The following UXS1 variants were observed in gnomAD, a reference collection of about 807,000 sequenced individuals.
The protein encoded by UXS1 is UDP-glucuronic acid decarboxylase 1.
A neutral mutation model predicts 62.6 loss-of-function variants in UXS1; 33 were observed. The ratio of observed to expected loss-of-function variants is 0.53; its 90% CI spans 0.40 to 0.70. The LOEUF (loss-of-function observed/expected upper bound fraction) is 0.70, where lower values mean the gene tolerates loss of function less well. Among genes scored for constraint, UXS1 ranks in the 30% least tolerant of loss-of-function variants. The pLI, the probability that UXS1 is intolerant of heterozygous loss-of-function variation, is 0.00. For synonymous variants in UXS1, 213 were observed against 206.8 expected (o/e 1.03, Z -0.26); for missense variants, 434 against 556.3 (o/e 0.78, Z 2.21).
chr2:106,178,404 G>T (rs138069101), intron 1 of UXS1, among the ~76,000 whole-genome samples: 5,602 of 152,128 alleles, frequency 0.037, 154 homozygotes, highest in Non-Finnish European at 0.059. Flanking sequence ...TATAACAACA[G>T]AAATAATGTA....
At chr2:106,178,624 A>G (rs1023271304) in intron 1 of UXS1, among the ~76,000 whole-genome samples, 1 of 152,048 alleles carries the variant, frequency 6.6e-6, no homozygotes, top group Non-Finnish European at 1.5e-5. Context: ...GTGTGTGTAT[A>G]TATGTTAGAG....
At chr2:106,178,163 C>A (rs1008759570) in intron 1 of UXS1, among the ~76,000 whole-genome samples, 1 of 152,224 alleles carries the variant, frequency 6.6e-6, no homozygotes, top group African/African-American at 2.4e-5. Flanking sequence ...GTGCCCGCCG[C>A]GTGGGGGCCC....
At chr2:106,143,423 A>AG (rs1681301233) in intron 6 of UXS1, among the ~76,000 whole-genome samples, 1 of 147,610 alleles carries the variant, frequency 6.8e-6, no homozygotes, top group Non-Finnish European at 1.5e-5. Flanking sequence ...AAAAAAAAAA[A>AG]AAAAAAAAAA....
chr2:106,165,755 C>G (rs1207882041), intron 2 of UXS1, among the ~76,000 whole-genome samples: 1 of 152,132 alleles, frequency 6.6e-6, no homozygotes, highest in Non-Finnish European at 1.5e-5. Context: ...TTGCTCAATC[C>G]ACCCAGAAAT....
chr2:106,175,773 G>C (rs2105090539), intron 1 of UXS1, among the ~76,000 whole-genome samples: 1 of 152,240 alleles, frequency 6.6e-6, no homozygotes, highest in Non-Finnish European at 1.5e-5. Flanking sequence ...CTCTAACCTG[G>C]GTGTGGTCCC....
At chr2:106,148,667 T>C (rs1435381352) in intron 5 of UXS1, among the ~76,000 whole-genome samples, 1 of 152,208 alleles carries the variant, frequency 6.6e-6, no homozygotes, top group Non-Finnish European at 1.5e-5. Context: ...TTATATAATA[T>C]AGCTGGATGG....
At chr2:106,163,933 C>T (rs985902920) in intron 3 of UXS1, among the ~76,000 whole-genome samples, 1 of 152,202 alleles carries the variant, frequency 6.6e-6, no homozygotes, top group African/African-American at 2.4e-5. Flanking sequence ...GTTTCTGAGA[C>T]AATTAATGTT....
At chr2:106,193,061 G>C (rs1398385639) in intron 1 of UXS1, among the ~76,000 whole-genome samples, 1 of 152,052 alleles carries the variant, frequency 6.6e-6, no homozygotes, top group Non-Finnish European at 1.5e-5. Context: ...ACCTCCCCTA[G>C]CAACCCGGAG....
intron 13 of UXS1, 49 bp downstream of exon 13, chr2:106,098,667 T>G: frequency 6.7e-7 from 1 of 1,500,002 alleles, no homozygotes; most frequent in Non-Finnish European, 9.2e-7. Flanking sequence ...TATTAACAGA[T>G]AGGGCAGGCA....
rs377014127 is a variant in UXS1, at chr2:106,098,636, C to A, written c.1042+80G>T. On this transcript the variant is annotated intron_variant, in intron 13 of 14. Transcript: ENST00000283148. ...CAATTCAATTAGCTTGTATTAATTA[C>A]CCACTTTCTAGTCAAGGTGTTATTA... 743 of 1,176,154 alleles carry A rather than the reference C, an allele frequency of 6.3e-4. 9 individuals are homozygous for A. In the South Asian group the frequency reaches 8.6e-3, roughly 14 times the overall value. 72.9% of individuals were successfully genotyped at this position (1,176,154 alleles called of 1,614,324 possible).
Position 106,103,403 on chromosome 2 carries a change from G to A in UXS1, c.923+1391C>T, listed in dbSNP as rs572410897. ...CAGCCCGAGGCAGGCACACATAACCGAGGACAGCAAGACTCCCTCAGAAAA... is the reference window on the plus strand; with the variant it reads ...CAGCCCGAGGCAGGCACACATAACCAAGGACAGCAAGACTCCCTCAGAAAA... On this transcript the variant is annotated intron_variant, in intron 11 of 14. Transcript: ENST00000283148. 7.9e-5 allele frequency among the ~76,000 whole-genome samples: 12 copies of A among 152,310 alleles called. No individual in the cohort carries two copies. The South Asian group carries it at 2.3e-3, about 29-fold the overall frequency.
chr2:106,143,408 C>CAAAAAAAAAAA (rs60493984), intron 6 of UXS1, among the ~76,000 whole-genome samples: 398 of 38,638 alleles, frequency 0.01, 65 homozygotes, highest in Middle Eastern at 0.1. Flanking sequence ...GACTCCGTCT[C>CAAAAAAAAAAA]AAAAAAAAAA....
intron 3 of UXS1, 33 bp from the exon 4 acceptor site, chr2:106,163,743 G>A (rs1184067367): frequency 3.6e-6 from 5 of 1,377,256 alleles, no homozygotes; most frequent in African/African-American, 1.5e-5. Context: ...CAGTTTTAAA[G>A]CAAAAACACA....
At chr2:106,177,629 CTTT>C (rs1307921745) in intron 1 of UXS1, among the ~76,000 whole-genome samples, 1 of 152,054 alleles carries the variant, frequency 6.6e-6, no homozygotes, top group Non-Finnish European at 1.5e-5. Flanking sequence ...TTTTGAACAC[CTTT>C]TTTAAGTCTG....
At chr2:106,171,614 G>C (rs765348032) in intron 1 of UXS1, among the ~76,000 whole-genome samples, 1 of 152,206 alleles carries the variant, frequency 6.6e-6, no homozygotes, top group African/African-American at 2.4e-5. Flanking sequence ...TGAATGCCAG[G>C]CCACACAGAA....
At chr2:106,162,327 A>G (rs1052006353) in intron 4 of UXS1, among the ~76,000 whole-genome samples, 2 of 152,256 alleles carry the variant, frequency 1.3e-5, no homozygotes, top group South Asian at 2.1e-4. Flanking sequence ...ACACTCAAAG[A>G]TATCACAAAA....
chr2:106,118,334 T>G (rs188912265), intron 9 of UXS1, among the ~76,000 whole-genome samples: 1 of 152,174 alleles, frequency 6.6e-6, no homozygotes, highest in East Asian at 1.9e-4. Context: ...GCCATTAGAC[T>G]AGGTGATTTC....
At chr2:106,169,594 C>T (rs1683415386) in intron 1 of UXS1, among the ~76,000 whole-genome samples, 1 of 152,272 alleles carries the variant, frequency 6.6e-6, no homozygotes, top group South Asian at 2.1e-4. Context: ...GGGGCAGAAG[C>T]AGAAAGATCG....
At chr2:106,130,857 T>C (rs1261198455) in intron 6 of UXS1, among the ~76,000 whole-genome samples, 1 of 152,052 alleles carries the variant, frequency 6.6e-6, no homozygotes, top group African/African-American at 2.4e-5. Context: ...CATTCATATA[T>C]ATATATTTTT....
Sources: allele counts gnomAD v4.1 joint callset (sites outside exome capture counted in the v4.1 genomes callset), GRCh38; gene constraint gnomAD v4.1.1; transcripts MANE v1.5; gene names NCBI Gene and HGNC (gene_info 2026-07-23, HGNC 2026-07-21).